The following GRB2 variants were observed in gnomAD, a reference collection of about 807,000 sequenced individuals.
GRB2 encodes growth factor receptor-bound protein 2.
Under a neutral mutation model 27.4 loss-of-function variants are expected in GRB2, and 2 were observed. The observed-to-expected ratio is 0.07, with a 90% CI of 0.03 to 0.23. GRB2 has a LOEUF of 0.23. Among genes scored for constraint, GRB2 ranks in the 10% least tolerant of loss-of-function variants. GRB2 has a pLI of 1.00. For missense variants in GRB2, 102 were observed against 282.4 expected, an observed-to-expected ratio of 0.36 and a Z score of 4.58; for synonymous variants, 94 against 99.6, an observed-to-expected ratio of 0.94 and a Z score of 0.33.
At chr17:75,352,718 A>G (rs1329036108) in intron 2 of GRB2, among the ~76,000 whole-genome samples, 1 of 152,176 alleles carries the variant, frequency 6.6e-6, no homozygotes, top group Non-Finnish European at 1.5e-5. Context: ...CTATGCAGTA[A>G]AAGTGTTTTA....
intron 3 of GRB2, among the ~76,000 whole-genome samples, chr17:75,330,545 G>A (rs968682469): frequency 3.9e-5 from 6 of 151,930 alleles, no homozygotes; most frequent in African/African-American, 1.5e-4. Context: ...GTGGAGGCAC[G>A]CGCCTGTAGT....
intron 2 of GRB2, among the ~76,000 whole-genome samples, chr17:75,357,532 G>C (rs1056817667): frequency 2.0e-5 from 3 of 152,176 alleles, no homozygotes; most frequent in Non-Finnish European, 2.9e-5. Context: ...TTCTTTTAAA[G>C]TTGGACTGTC....
At chr17:75,369,375 T>C (rs1211009967) in intron 2 of GRB2, among the ~76,000 whole-genome samples, 1 of 152,142 alleles carries the variant, frequency 6.6e-6, no homozygotes, top group East Asian at 1.9e-4. Flanking sequence ...TGAAGGTTTC[T>C]TTACACCACA....
At chr17:75,381,187 T>C (rs2078925317) in intron 2 of GRB2, among the ~76,000 whole-genome samples, 1 of 152,182 alleles carries the variant, frequency 6.6e-6, no homozygotes, top group African/African-American at 2.4e-5. Flanking sequence ...AAAACTAATA[T>C]GGAAAATGGT....
chr17:75,398,192 G>A (rs1333084435), intron 1 of GRB2, among the ~76,000 whole-genome samples: 2 of 151,978 alleles, frequency 1.3e-5, no homozygotes, highest in African/African-American at 4.8e-5. Context: ...AACAATCAGA[G>A]TTTTCATATA....
intron 2 of GRB2, among the ~76,000 whole-genome samples, chr17:75,390,628 A>C (rs1009618297): frequency 7.2e-5 from 11 of 152,178 alleles, no homozygotes; most frequent in Non-Finnish European, 1.6e-4. Flanking sequence ...CTTCCAGTAA[A>C]ATGCTTTTAT....
intron 1 of GRB2, among the ~76,000 whole-genome samples, chr17:75,395,956 C>T (rs1205192200): frequency 6.6e-6 from 1 of 151,748 alleles, no homozygotes; most frequent in African/African-American, 2.4e-5. Flanking sequence ...GATCCTCCTA[C>T]CTCGGCCTGT....
intron 2 of GRB2, among the ~76,000 whole-genome samples, chr17:75,380,640 T>C (rs903947140): frequency 1.3e-5 from 2 of 152,230 alleles, no homozygotes; most frequent in Non-Finnish European, 2.9e-5. Flanking sequence ...GGTCTTCCTC[T>C]AGAAAATATT....
intron 2 of GRB2, among the ~76,000 whole-genome samples, chr17:75,334,809 T>C (rs987445499): frequency 6.6e-6 from 1 of 151,770 alleles, no homozygotes; most frequent in Non-Finnish European, 1.5e-5. Context: ...GTTATAACAA[T>C]ATACTGTAAT....
chr17:75,368,183 G>A (rs2078832145), intron 2 of GRB2, among the ~76,000 whole-genome samples: 1 of 151,480 alleles, frequency 6.6e-6, no homozygotes, highest in Admixed American at 6.6e-5. Flanking sequence ...CCAAAGTGCT[G>A]GGATTAAAGA....
At chr17:75,404,779 A>C (rs1436489562) in intron 1 of GRB2, 1 of 152,178 alleles carries the variant, frequency 6.6e-6, no homozygotes, top group Non-Finnish European at 1.5e-5. Context: ...CTGCACTTTC[A>C]CAGCGTTTGA....
At chr17:75,327,240 G>A (rs1317626471) in intron 3 of GRB2, among the ~76,000 whole-genome samples, 7 of 151,544 alleles carry the variant, frequency 4.6e-5, no homozygotes, top group South Asian at 4.2e-4. Flanking sequence ...CACCATGCCC[G>A]GCTAATATTT....
intron 2 of GRB2, among the ~76,000 whole-genome samples, chr17:75,368,845 T>G (rs1012518342): frequency 6.6e-6 from 1 of 152,150 alleles, no homozygotes; most frequent in Admixed American, 6.6e-5. Flanking sequence ...TGCACCCAGA[T>G]AAATATGACT....
intron 3 of GRB2, among the ~76,000 whole-genome samples, chr17:75,327,131 G>A (rs1277040319): frequency 2.7e-5 from 4 of 146,100 alleles, no homozygotes; most frequent in African/African-American, 7.5e-5. Flanking sequence ...GCAGTGGCAC[G>A]ATCTCGCTCA....
At chr17:75,342,038 T>G (rs953917899) in intron 2 of GRB2, among the ~76,000 whole-genome samples, 1 of 152,146 alleles carries the variant, frequency 6.6e-6, no homozygotes, top group Non-Finnish European at 1.5e-5. Context: ...CACACTGTAC[T>G]CCTCCCCACC....
At chr17:75,369,915 T>C (rs969878910) in intron 2 of GRB2, among the ~76,000 whole-genome samples, 1 of 151,922 alleles carries the variant, frequency 6.6e-6, no homozygotes, top group Non-Finnish European at 1.5e-5. Context: ...CTGACTCTGA[T>C]GCAAATGTAC....
At chr17:75,324,536 G>C (rs143083570) in intron 4 of GRB2, among the ~76,000 whole-genome samples, 2 of 18,414 alleles carry the variant, frequency 1.1e-4, no homozygotes, top group Admixed American at 1.4e-3. Context: ...TTTTTTTTTT[G>C]GAGACAGAGT....
At chr17:75,382,463 C>G (rs2078935344) in intron 2 of GRB2, among the ~76,000 whole-genome samples, 1 of 152,174 alleles carries the variant, frequency 6.6e-6, no homozygotes, top group African/African-American at 2.4e-5. Context: ...TATATAGGTT[C>G]AGCATCCCTA....
At chr17:75,402,066 T>TTAGG (rs1360048997) in intron 1 of GRB2, among the ~76,000 whole-genome samples, 3 of 152,220 alleles carry the variant, frequency 2.0e-5, no homozygotes, top group Non-Finnish European at 4.4e-5. Flanking sequence ...ACACCACAGC[T>TTAGG]TAGCCTAGCC....
Sources: allele counts gnomAD v4.1 joint callset (sites outside exome capture counted in the v4.1 genomes callset), GRCh38; gene constraint gnomAD v4.1.1; transcripts MANE v1.5; gene names NCBI Gene and HGNC (gene_info 2026-07-23, HGNC 2026-07-21).